The following BCCIP variants were observed in gnomAD, a reference collection of about 807,000 sequenced individuals.
BCCIP encodes the protein BRCA2 and CDKN1A-interacting protein.
BCCIP carries 23 observed loss-of-function variants against 32.8 expected under a neutral mutation model. The observed-to-expected ratio is 0.70, with a 90% CI of 0.51 to 0.99. The LOEUF (loss-of-function observed/expected upper bound fraction) is 0.99, where lower values mean the gene tolerates loss of function less well. BCCIP is among the 50% of genes least tolerant of loss of function. BCCIP has a pLI of 0.00. For synonymous variants in BCCIP, 144 were observed against 137.6 expected, an observed-to-expected ratio of 1.05 and a Z score of -0.33; for missense variants, 378 against 379.8, an observed-to-expected ratio of 1.00 and a Z score of 0.04.
At chr10:125,827,451 T>C (rs1436001675) in intron 2 of BCCIP, 107 bp from the exon 3 acceptor site, 6 of 727,586 alleles carry the variant, frequency 8.2e-6, no homozygotes, top group Non-Finnish European at 1.1e-5. Context: ...TTCTAGATCA[T>C]CATCTTAAGT....
chr10:125,853,427 TTAAAAG>T, exon 8 of BCCIP: 1 of 335,336 alleles, frequency 3.0e-6, no homozygotes, highest in Non-Finnish European at 5.3e-6. Flanking sequence ...AATTTTTAAT[TTAAAAG>T]TAATAAAGAA....
exon 7 of BCCIP, chr10:125,842,086 G>A (rs1854897619): frequency 9.6e-7 from 1 of 1,036,606 alleles, no homozygotes; most frequent in Admixed American, 3.7e-5. Flanking sequence ...AGGGAGTGAA[G>A]GATAGTGATT....
chr10:125,852,208 G>A (rs1435443513), intron 7 of BCCIP: 40 of 1,506,796 alleles, frequency 2.7e-5, no homozygotes, highest in Middle Eastern at 4.7e-4. Context: ...GCATTGCTGC[G>A]CATCATGTGA....
chr10:125,840,685 ACT>A (rs1854852881), downstream of BCCIP, among the ~76,000 whole-genome samples: 3 of 152,234 alleles, frequency 2.0e-5, no homozygotes, highest in South Asian at 6.2e-4. Flanking sequence ...AGCATCTCCC[ACT>A]CTGCAGATGC....
At chr10:125,849,091 TA>T (rs1944058985) in intron 7 of BCCIP, among the ~76,000 whole-genome samples, 1 of 152,174 alleles carries the variant, frequency 6.6e-6, no homozygotes, top group South Asian at 2.1e-4. Flanking sequence ...TAATCATTAA[TA>T]GCATTCATGC....
At position 125,831,513 on chromosome 10, in the gene BCCIP, T is replaced by A. The variant is rs1854521255; in HGVS notation, c.505T>A (p.Leu169Ile). The change falls in exon 5 of 7, where the codon TTA becomes ATA. Residue 169 changes from leucine (L) to isoleucine (I), a missense_variant. Coordinates refer to ENST00000278100, the MANE Select transcript of BCCIP (RefSeq NM_078468.3). ...CATGGTTGAACAGCTGGACAAGTTT[T>A]TAAATGACACCACCAAGCCTGTGGG... ...KSMVEQLDKF[L>I]NDTTKPVGLL... The A allele has an allele frequency of 6.2e-7, 1 of 1,614,116 alleles. No homozygotes were observed. Among genetic ancestry groups the A allele is most frequent in the African/African-American group, 1.3e-5 (1 of 74,936 alleles).
intron 7 of BCCIP, among the ~76,000 whole-genome samples, chr10:125,848,880 C>A (rs1489006380): frequency 6.6e-6 from 1 of 152,148 alleles, no homozygotes; most frequent in Non-Finnish European, 1.5e-5. Flanking sequence ...CTTTGATTAT[C>A]CTCATATTCA....
At chr10:125,849,414 T>A (rs1441389055) in intron 7 of BCCIP, among the ~76,000 whole-genome samples, 2 of 152,244 alleles carry the variant, frequency 1.3e-5, no homozygotes, top group Non-Finnish European at 2.9e-5. Flanking sequence ...TTTACTTTAT[T>A]GTTTCCAAGA....
downstream of BCCIP, among the ~76,000 whole-genome samples, chr10:125,845,081 AGAG>A (rs575519743): frequency 1.3e-3 from 191 of 152,252 alleles, no homozygotes; most frequent in African/African-American, 4.5e-3. Flanking sequence ...TGCAACCAGC[AGAG>A]GAGGAGCCGA....
At chr10:125,831,300 T>C in intron 4 of BCCIP, 120 bp from the exon 5 acceptor site, 1 of 912,776 alleles carries the variant, frequency 1.1e-6, no homozygotes, top group Non-Finnish European at 1.7e-6. Flanking sequence ...TACAAGACGT[T>C]AAGGCTATGG....
intron 1 of BCCIP, among the ~76,000 whole-genome samples, chr10:125,824,837 G>T (rs1854329536): frequency 6.6e-6 from 1 of 152,256 alleles, no homozygotes; most frequent in Non-Finnish European, 1.5e-5. Context: ...ACAATTGAGG[G>T]ACGGAAAGGC....
At chr10:125,829,015 A>G (rs1854466619) in intron 3 of BCCIP, among the ~76,000 whole-genome samples, 1 of 152,232 alleles carries the variant, frequency 6.6e-6, no homozygotes, top group Non-Finnish European at 1.5e-5. Flanking sequence ...CAGAAGTGAT[A>G]TAGTGCCATT....
intron 7 of BCCIP, chr10:125,852,297 T>G: frequency 6.2e-7 from 1 of 1,613,936 alleles, no homozygotes; most frequent in Non-Finnish European, 8.5e-7. Context: ...GGCTACCTGG[T>G]CTGTTCATGA....
chr10:125,824,426 C>T (rs1854304847), intron 1 of BCCIP, among the ~76,000 whole-genome samples: 1 of 152,212 alleles, frequency 6.6e-6, no homozygotes, highest in Non-Finnish European at 1.5e-5. Flanking sequence ...CTTAACTTGT[C>T]CAAAGCAGAA....
chr10:125,852,658 C>T lies in BCCIP; in HGVS notation c.851-467C>T, dbSNP rs760379407. 14 of 1,591,028 alleles carry T rather than the reference C, an allele frequency of 8.8e-6. No individual in the cohort carries two copies. In the South Asian group the frequency reaches 1.6e-4, roughly 18 times the overall value. On this transcript the variant is annotated intron_variant, in intron 7 of 7. Coordinates refer to the BCCIP transcript ENST00000368759. ...GGTTGTACACCTTTAAATGGAAAGACAGCATCATTAGCGTCAGATAAGTCA... is the reference window on the plus strand; with the variant it reads ...GGTTGTACACCTTTAAATGGAAAGATAGCATCATTAGCGTCAGATAAGTCA...
downstream of BCCIP, chr10:125,836,716 C>T (rs1194164076): frequency 1.2e-6 from 2 of 1,614,054 alleles, no homozygotes; most frequent in Non-Finnish European, 1.7e-6. Flanking sequence ...TGTTCAGTTT[C>T]AGGGCACGTC....
At position 125,836,223 on chromosome 10, in the gene BCCIP, C is replaced by A. The variant is rs145409042; in HGVS notation, c.894C>A (p.Gly298=). 1 of 1,614,072 alleles carries A rather than the reference C, an allele frequency of 6.2e-7. No individual in the cohort carries two copies. The highest frequency in any genetic ancestry group is 1.1e-5 in the South Asian group (1 of 91,076). Residue 298 remains glycine, a synonymous_variant, in exon 7 of 7, where the codon GGC becomes GGA. Transcript: ENST00000278100. ...TPLRTVMLIP[G]DKMNEIMDKL... ...TGCGAACTGTGATGTTAATTCCAGGCGACAAGATGAACGAAATCATGGATA... is the reference window on the plus strand; with the variant it reads ...TGCGAACTGTGATGTTAATTCCAGGAGACAAGATGAACGAAATCATGGATA...
At chr10:125,836,787 T>G (rs372661896), downstream of BCCIP, 6 of 1,614,046 alleles carry the variant, frequency 3.7e-6, no homozygotes, top group Admixed American at 1.7e-5. Flanking sequence ...CACTACTTGC[T>G]GTAGAATGTC....
At chr10:125,839,230 C>T (rs746080623), downstream of BCCIP, 4 of 1,597,028 alleles carry the variant, frequency 2.5e-6, no homozygotes, top group South Asian at 3.4e-5. Flanking sequence ...AATGATTTGT[C>T]AGAAGCTCTG....
Sources: gnomAD v4.1 joint callset for allele counts (sites outside exome capture counted in the v4.1 genomes callset) on GRCh38, gnomAD v4.1.1 for gene constraint, MANE v1.5 for transcripts, NCBI Gene and HGNC (gene_info 2026-07-23, HGNC 2026-07-21) for gene names.